SLA: variants seen among roughly 807,000 people sequenced by gnomAD.
The protein encoded by SLA is src-like-adapter.
In SLA, 16 loss-of-function variants were observed where a neutral mutation model predicts 30.3. The ratio of observed to expected loss-of-function variants is 0.53; its 90% CI spans 0.36 to 0.80. The LOEUF (loss-of-function observed/expected upper bound fraction) is 0.80, where lower values mean the gene tolerates loss of function less well. Ranked by LOEUF, SLA falls within the 30% of genes least tolerant of loss-of-function variation. The probability of loss-of-function intolerance (pLI) is 0.01; values close to 1 mark genes in which losing one functional copy is unlikely to be tolerated. For missense variants in SLA, 310 were observed against 345.2 expected, an observed-to-expected ratio of 0.90 and a Z score of 0.81; for synonymous variants, 143 against 137.8, an observed-to-expected ratio of 1.04 and a Z score of -0.26.
chr8:133,102,327 G>C (rs952485998), intron 1 of SLA: 1 of 486,192 alleles, frequency 2.1e-6, no homozygotes, highest in African/African-American at 1.9e-5. Context: ...ATGCAGTGCA[G>C]CTTCCCAGGG....
intron 1 of SLA, among the ~76,000 whole-genome samples, chr8:133,087,071 TACACAC>T (rs56028043): frequency 0.2 from 29,215 of 142,738 alleles, 3,137 homozygotes; most frequent in Admixed American, 0.23. Flanking sequence ...AATATATGTT[TACACAC>T]ACACACACAC....
intron 2 of SLA, among the ~76,000 whole-genome samples, chr8:133,065,774 A>C (rs1291294281): frequency 1.4e-5 from 2 of 147,728 alleles, no homozygotes; most frequent in African/African-American, 5.3e-5. Context: ...AAAATAATAA[A>C]ATAAAATAAA....
In SLA at chr8:133,082,367, G is replaced by A. The variant is rs76775730; in HGVS notation, c.-318-7237C>T. Among the ~76,000 whole-genome samples, 248 of 152,302 alleles carry A rather than the reference G, an allele frequency of 1.6e-3. 2 individuals carry two copies. The highest frequency in any genetic ancestry group is 5.7e-3 in the African/African-American group (238 of 41,552). ...GGAAAGACGGAGGAAAAGAAGGGACGGAGGGCAGGAGAGACAGGGAGCAAG... is the reference window on the plus strand; with the variant it reads ...GGAAAGACGGAGGAAAAGAAGGGACAGAGGGCAGGAGAGACAGGGAGCAAG... On this transcript the variant is annotated intron_variant, in intron 1 of 8. Coordinates refer to ENST00000338087, the MANE Select transcript of SLA (RefSeq NM_001045556.3).
chr8:133,084,632 G>A lies in SLA; in HGVS notation c.-318-9502C>T, dbSNP rs1015821486. Among the ~76,000 whole-genome samples, 3 of 152,234 alleles carry A rather than the reference G, an allele frequency of 2.0e-5. No individual in the cohort carries two copies. The East Asian group carries it at 5.8e-4, about 29-fold the overall frequency. ...CAGATGGAAAAAGGCATTTTGTCAA[G>A]TCTGTAAGACCTGTAGGAAAATATG... On this transcript the variant is annotated intron_variant, in intron 1 of 8. Coordinates refer to ENST00000338087, the MANE Select transcript of SLA (RefSeq NM_001045556.3).
intron 2 of SLA, among the ~76,000 whole-genome samples, chr8:133,063,890 G>T (rs2131358939): frequency 6.6e-6 from 1 of 152,346 alleles, no homozygotes; most frequent in East Asian, 1.9e-4. Flanking sequence ...TCTCTCTAAT[G>T]AAATGGCTGA....
rs1181490957 is a variant in SLA, at chr8:133,060,193, C to A, written c.-33G>T. On this transcript the variant is annotated 5_prime_UTR_variant, in exon 3 of 9. Coordinates refer to ENST00000338087, the MANE Select transcript of SLA (RefSeq NM_001045556.3). ...TTTTTCCCTGGGGCCGCTGGTGATG[C>A]CCAGAGCCTGTGGTATAGGAGACAG... 15 of 1,613,292 alleles carry A rather than the reference C, an allele frequency of 9.3e-6. No homozygotes were observed. The Admixed American group carries it at 2.5e-4, about 27-fold the overall frequency.
At chr8:133,066,133 C>T (rs1843001597) in intron 2 of SLA, among the ~76,000 whole-genome samples, 1 of 152,166 alleles carries the variant, frequency 6.6e-6, no homozygotes, top group Middle Eastern at 3.4e-3. Context: ...ACCATCCTGG[C>T]TGACATGGTG....
At chr8:133,058,327 C>T (rs1014634775) in intron 3 of SLA, among the ~76,000 whole-genome samples, 1 of 152,146 alleles carries the variant, frequency 6.6e-6, no homozygotes, top group South Asian at 2.1e-4. Flanking sequence ...GAATTCTCTT[C>T]ACCAGGGGGT....
intron 2 of SLA, among the ~76,000 whole-genome samples, chr8:133,064,385 C>T (rs540238195): frequency 7.2e-5 from 11 of 152,232 alleles, no homozygotes; most frequent in Admixed American, 2.0e-4. Context: ...TGTGTACAAC[C>T]ACCTTCTGTG....
At chr8:133,089,572 A>T (rs1301025300) in intron 1 of SLA, among the ~76,000 whole-genome samples, 1 of 152,176 alleles carries the variant, frequency 6.6e-6, no homozygotes, top group Non-Finnish European at 1.5e-5. Flanking sequence ...CTGGGATTTA[A>T]TGACCTCTGA....
chr8:133,066,539 T>C (rs1843068303), intron 2 of SLA, among the ~76,000 whole-genome samples: 1 of 152,224 alleles, frequency 6.6e-6, no homozygotes, highest in Admixed American at 6.5e-5. Context: ...AAATTTCTTA[T>C]TTACTTACAC....
chr8:133,096,203 C>G lies in SLA; in HGVS notation c.-319+6350G>C, dbSNP rs758963583. On this transcript the variant is annotated intron_variant, in intron 1 of 8. Coordinates refer to ENST00000338087, the MANE Select transcript of SLA (RefSeq NM_001045556.3). ...CAACTGATTATTGTTGCATCCAATG[C>G]AGCTCCTGGCCGTGAGTGGCCCTTT... 5.0e-6 allele frequency: 8 copies of G among 1,614,108 alleles called. No homozygotes were observed. The Admixed American group carries it at 6.7e-5, about 13-fold the overall frequency.
At chr8:133,096,398 G>T in intron 1 of SLA, 1 of 1,613,830 alleles carries the variant, frequency 6.2e-7, no homozygotes, top group African/African-American at 1.3e-5. Context: ...GGCCTCGGAT[G>T]TCTCCAGCTG....
intron 2 of SLA, among the ~76,000 whole-genome samples, chr8:133,061,448 G>C (rs1275147786): frequency 2.0e-5 from 3 of 152,194 alleles, no homozygotes; most frequent in African/African-American, 7.2e-5. Flanking sequence ...TTATTACTCT[G>C]TTTACTGATT....
At chr8:133,048,989 T>G (rs1839947877) in intron 5 of SLA, 1 of 333,780 alleles carries the variant, frequency 3.0e-6, no homozygotes, top group East Asian at 7.6e-5. Flanking sequence ...CTTCTTTCTT[T>G]TCCATTTCCA....
intron 7 of SLA, among the ~76,000 whole-genome samples, chr8:133,043,918 G>A (rs1241569581): frequency 6.6e-6 from 1 of 152,226 alleles, no homozygotes; most frequent in Admixed American, 6.5e-5. Context: ...TGCAGAGGAA[G>A]TGGGGAGGAT....
intron 1 of SLA, among the ~76,000 whole-genome samples, chr8:133,080,505 C>T (rs1845585361): frequency 6.6e-6 from 1 of 152,168 alleles, no homozygotes; most frequent in South Asian, 2.1e-4. Flanking sequence ...ATGCTCCCTT[C>T]CCATCCTCTT....
At chr8:133,069,043 A>G (rs1415929419) in intron 2 of SLA, among the ~76,000 whole-genome samples, 1 of 152,266 alleles carries the variant, frequency 6.6e-6, no homozygotes, top group African/African-American at 2.4e-5. Context: ...GCCATTACAT[A>G]GAATGGGGAA....
At chr8:133,068,623 C>T (rs2131400865) in intron 2 of SLA, among the ~76,000 whole-genome samples, 1 of 152,318 alleles carries the variant, frequency 6.6e-6, no homozygotes, top group South Asian at 2.1e-4. Flanking sequence ...GCTGTGCACA[C>T]CCTGCAGTCT....
Sources: gnomAD v4.1 joint callset for allele counts (sites outside exome capture counted in the v4.1 genomes callset) on GRCh38, gnomAD v4.1.1 for gene constraint, MANE v1.5 for transcripts, NCBI Gene and HGNC (gene_info 2026-07-23, HGNC 2026-07-21) for gene names.